The following CCDC73 variants were observed in gnomAD, a reference collection of about 807,000 sequenced individuals.
CCDC73 encodes coiled-coil domain containing 73, also known as coiled-coil domain-containing protein 73.
In CCDC73, 95 loss-of-function variants were observed where a neutral mutation model predicts 116.5. That is an observed-to-expected ratio of 0.82 (90% confidence interval 0.69 to 0.97). The LOEUF is 0.97. Among genes scored for constraint, CCDC73 ranks in the 50% least tolerant of loss-of-function variants. The pLI is 0.00. For missense variants in CCDC73, 1,066 were observed against 1,206.8 expected (o/e 0.88, Z 1.73); for synonymous variants, 398 against 401.3 (o/e 0.99, Z 0.10).
At chr11:32,685,718 CTTTTT>C (rs149696866) in intron 6 of CCDC73, among the ~76,000 whole-genome samples, 3 of 90,690 alleles carry the variant, frequency 3.3e-5, no homozygotes, top group Admixed American at 1.4e-4. Context: ...CCTGACTTAG[CTTTTT>C]TTTTTTTTTT....
At chr11:32,727,609 G>A (rs1489056213) in intron 2 of CCDC73, among the ~76,000 whole-genome samples, 4 of 151,790 alleles carry the variant, frequency 2.6e-5, no homozygotes, top group African/African-American at 4.8e-5. Context: ...GTCTCGCTCT[G>A]TCCCCCAGGC....
At chr11:32,686,666 C>T (rs1448781029) in intron 6 of CCDC73, among the ~76,000 whole-genome samples, 4 of 152,078 alleles carry the variant, frequency 2.6e-5, no homozygotes, top group Non-Finnish European at 2.9e-5. Context: ...TTCAGGCCAC[C>T]GTTCTTCACA....
chr11:32,784,290 C>T (rs10835971), intron 1 of CCDC73, among the ~76,000 whole-genome samples: 98,836 of 151,210 alleles, frequency 0.65, 32,366 homozygotes, highest in East Asian at 0.84. Context: ...GATCGCGCCA[C>T]TGCACTCCAG....
intron 13 of CCDC73, among the ~76,000 whole-genome samples, chr11:32,637,629 C>A (rs950409279): frequency 4.6e-5 from 7 of 150,764 alleles, no homozygotes; most frequent in African/African-American, 1.7e-4. Flanking sequence ...CATACACACA[C>A]CCCTCTCCTC....
At chr11:32,798,207 C>G (rs1850739275), upstream of CCDC73, among the ~76,000 whole-genome samples, 1 of 152,238 alleles carries the variant, frequency 6.6e-6, no homozygotes, top group Non-Finnish European at 1.5e-5. Context: ...ACCTGTAGTA[C>G]CTACCTCTAA....
the CCDC73 span, among the ~76,000 whole-genome samples, chr11:32,816,773 T>G: frequency 6.6e-6 from 1 of 152,150 alleles, no homozygotes. Context: ...ATGGTTTTCT[T>G]TCTTTTTTTC....
At position 32,614,647 on chromosome 11, in the gene CCDC73, T is replaced by A. The variant is rs1253535940; in HGVS notation, c.1671A>T (p.Gly557=). ...TEKIHLERTR[G]LDVHHTDVNL... is the part of the protein sequence containing the mutation. ...TTACATCTGTATGGTGAACATCTAA[T>A]CCTCTGGTTCTTTCTAGATGTATTT... The change falls in exon 16 of 18, where the codon GGA becomes GGT. Residue 557 remains glycine (G), a synonymous_variant. Coordinates refer to ENST00000335185, the MANE Select transcript of CCDC73 (RefSeq NM_001008391.4). 1.2e-6 allele frequency: 2 copies of A among 1,612,888 alleles called. No individual in the cohort carries two copies. The highest frequency in any genetic ancestry group is 2.2e-5 in the South Asian group (2 of 91,040).
upstream of CCDC73, among the ~76,000 whole-genome samples, chr11:32,799,558 A>G (rs181720221): frequency 6.6e-6 from 1 of 152,318 alleles, no homozygotes; most frequent in Admixed American, 6.5e-5. Context: ...CATAGATTAA[A>G]GCCTCAGACT....
intron 14 of CCDC73, among the ~76,000 whole-genome samples, chr11:32,625,011 T>C (rs938225554): frequency 3.9e-5 from 6 of 152,224 alleles, no homozygotes; most frequent in Admixed American, 6.5e-5. Context: ...TGTTGTTGAA[T>C]TGATCCCTTT....
chr11:32,608,157 C>T (rs1244624051), intron 17 of CCDC73, among the ~76,000 whole-genome samples: 1 of 152,094 alleles, frequency 6.6e-6, no homozygotes, highest in African/African-American at 2.4e-5. Flanking sequence ...TGGCCCCTCC[C>T]AAATCTCATA....
chr11:32,776,568 C>G (rs1376877148), intron 1 of CCDC73, among the ~76,000 whole-genome samples: 1 of 152,008 alleles, frequency 6.6e-6, no homozygotes, highest in Non-Finnish European at 1.5e-5. Flanking sequence ...CTTATCTATC[C>G]ATCTTTTATG....
At position 32,613,902 on chromosome 11, in the gene CCDC73, A is replaced by G; in HGVS notation, c.2416T>C (p.Phe806Leu). Residue 806 changes from phenylalanine to leucine, a missense_variant, in exon 16 of 18, where the codon TTT becomes CTT. Coordinates refer to ENST00000335185, the MANE Select transcript of CCDC73 (RefSeq NM_001008391.4). ...VHMKTCTETE[F>L]SNKKNQIDEN... ...TCAATCTGATTCTTTTTATTGGAAA[A>G]CTCTGTTTCTGTGCAAGTTTTCATG... 6.2e-7 allele frequency: 1 copy of G among 1,612,064 alleles called. No individual in the cohort carries two copies. The highest frequency in any genetic ancestry group is 8.5e-7 in the Non-Finnish European group (1 of 1,179,740).
rs781291607 is a variant in CCDC73, at chr11:32,654,852, GTCTT to G, written c.762_765del (p.Glu254AspfsTer8). The G allele has an allele frequency of 3.9e-6, 6 of 1,520,860 alleles. No individual in the cohort carries two copies. The highest frequency in any genetic ancestry group is 5.4e-6 in the Non-Finnish European group (6 of 1,117,850). The allele number at this position is 1,520,860 out of a possible 1,614,324, so 94.2% of individuals were successfully genotyped here. A position where few individuals can be genotyped will look rare whatever the true frequency, so the allele number is the denominator to read the frequency against. Reference sequence around the variant, plus strand: ...TACATTTAATAAAATACCATGTTGAGTCTTTCTTGAAGTTCTTGAAATTTTTGTT... The same window carrying G: ...TACATTTAATAAAATACCATGTTGAGTCTTGAAGTTCTTGAAATTTTTGTT... On this transcript the variant is annotated frameshift_variant, in exon 10 of 18. Coordinates refer to ENST00000335185, the MANE Select transcript of CCDC73 (RefSeq NM_001008391.4). LOFTEE classifies it high-confidence loss of function.
chr11:32,632,538 G>A (rs1855640981), intron 14 of CCDC73, among the ~76,000 whole-genome samples: 1 of 152,082 alleles, frequency 6.6e-6, no homozygotes, highest in Non-Finnish European at 1.5e-5. Context: ...TTGGTGGAAT[G>A]TTTTATAAAT....
chr11:32,732,636 A>G (rs1025318360), intron 2 of CCDC73, among the ~76,000 whole-genome samples: 1 of 152,150 alleles, frequency 6.6e-6, no homozygotes, highest in Non-Finnish European at 1.5e-5. Context: ...AAAAAAGAAT[A>G]TTCAACCCAG....
intron 1 of CCDC73, among the ~76,000 whole-genome samples, chr11:32,776,897 C>G (rs1251583364): frequency 3.5e-5 from 5 of 142,114 alleles, no homozygotes; most frequent in Non-Finnish European, 6.0e-5. Flanking sequence ...CTGAGGTTTA[C>G]AGAGTATTTC....
chr11:32,691,830 C>T (rs923499765), intron 6 of CCDC73, among the ~76,000 whole-genome samples: 8 of 151,916 alleles, frequency 5.3e-5, no homozygotes, highest in Non-Finnish European at 8.8e-5. Context: ...GGGCGGATCA[C>T]GAGGTTAGGA....
intron 9 of CCDC73, among the ~76,000 whole-genome samples, 186 bp from the exon 10 acceptor site, chr11:32,655,158 T>C (rs1398976028): frequency 3.4e-5 from 1 of 29,334 alleles, no homozygotes; most frequent in Admixed American, 2.6e-4. Context: ...CAGGCAAAGT[T>C]AATCAATCAT....
intron 16 of CCDC73, among the ~76,000 whole-genome samples, chr11:32,612,214 G>A (rs1421482430): frequency 2.0e-5 from 3 of 152,096 alleles, no homozygotes; most frequent in African/African-American, 4.8e-5. Flanking sequence ...TTTTTAAGGT[G>A]TCTAAGTGCA....
Sources: allele counts gnomAD v4.1 joint callset (sites outside exome capture counted in the v4.1 genomes callset), GRCh38; gene constraint gnomAD v4.1.1; transcripts MANE v1.5; gene names NCBI Gene and HGNC (gene_info 2026-07-23, HGNC 2026-07-21).